GPR158: variants seen among roughly 807,000 people sequenced by gnomAD.
GPR158 encodes G protein-coupled receptor 158.
Under a neutral mutation model 78.2 loss-of-function variants are expected in GPR158, and 30 were observed. That is an observed-to-expected ratio of 0.38 (90% CI 0.29 to 0.52). The LOEUF is 0.52. Ranked by LOEUF, GPR158 falls within the 20% of genes least tolerant of loss-of-function variation. The pLI, the probability that GPR158 is intolerant of heterozygous loss-of-function variation, is 0.83. For missense variants in GPR158, 1,463 were observed against 1,523.5 expected (o/e 0.96, Z 0.66); for synonymous variants, 581 against 591.1 (o/e 0.98, Z 0.25).
At chr10:25,558,549 C>T (rs7903336) in intron 6 of GPR158, among the ~76,000 whole-genome samples, 82,448 of 151,966 alleles carry the variant, frequency 0.54, 24,280 homozygotes, top group African/African-American at 0.77. Context: ...CCTGCTGTCG[C>T]CTGGGCCCAG....
chr10:25,456,661 G>A (rs1835295529), intron 4 of GPR158, among the ~76,000 whole-genome samples: 1 of 152,142 alleles, frequency 6.6e-6, no homozygotes, highest in South Asian at 2.1e-4. Context: ...AGGTTCAAAT[G>A]TTAAAGAAAA....
At chr10:25,222,800 A>G (rs1853318295) in intron 2 of GPR158, among the ~76,000 whole-genome samples, 1 of 152,136 alleles carries the variant, frequency 6.6e-6, no homozygotes, top group Non-Finnish European at 1.5e-5. Context: ...GTTCATTTCT[A>G]TATAGCCTTG....
chr10:25,278,059 G>A (rs1483682731), intron 2 of GPR158, among the ~76,000 whole-genome samples: 1 of 152,158 alleles, frequency 6.6e-6, no homozygotes, highest in African/African-American at 2.4e-5. Context: ...TAGGGACTGA[G>A]TTTAGCCAAA....
intron 2 of GPR158, among the ~76,000 whole-genome samples, chr10:25,253,739 TAATGATGTATAA>T (rs1340998758): frequency 1.3e-5 from 2 of 152,160 alleles, no homozygotes; most frequent in African/African-American, 4.8e-5. Context: ...GTGTTGCAAT[TAATGATGTATAA>T]AATGGTTCAT....
intron 5 of GPR158, among the ~76,000 whole-genome samples, chr10:25,528,352 T>G (rs1836378437): frequency 6.6e-6 from 1 of 151,844 alleles, no homozygotes; most frequent in Non-Finnish European, 1.5e-5. Flanking sequence ...TAGAGAGAGA[T>G]CCAAGCATTA....
intron 4 of GPR158, among the ~76,000 whole-genome samples, chr10:25,448,153 A>T (rs530303025): frequency 7.0e-6 from 1 of 141,922 alleles, no homozygotes; most frequent in Non-Finnish European, 1.5e-5. Context: ...GGTGTGATCT[A>T]GGCTCACTGC....
chr10:25,552,181 C>T (rs1007223031), intron 6 of GPR158, among the ~76,000 whole-genome samples: 24 of 152,078 alleles, frequency 1.6e-4, no homozygotes, highest in African/African-American at 5.8e-4. Flanking sequence ...ATTTAAATCC[C>T]AATTTAGCCT....
intron 4 of GPR158, among the ~76,000 whole-genome samples, chr10:25,425,838 G>A (rs1369103988): frequency 3.3e-5 from 5 of 152,062 alleles, no homozygotes; most frequent in Non-Finnish European, 1.5e-5. Context: ...TTTTTATTGT[G>A]TTATATTTGT....
At chr10:25,488,980 TG>T (rs1348680172) in intron 5 of GPR158, among the ~76,000 whole-genome samples, 1 of 152,152 alleles carries the variant, frequency 6.6e-6, no homozygotes, top group East Asian at 1.9e-4. Flanking sequence ...GCATTACCCT[TG>T]CCATGGGCTT....
intron 2 of GPR158, among the ~76,000 whole-genome samples, chr10:25,265,059 G>C (rs980125732): frequency 6.6e-6 from 1 of 152,132 alleles, no homozygotes; most frequent in Admixed American, 6.5e-5. Context: ...TTTGTGGACA[G>C]AATTTTTTTA....
chr10:25,300,573 A>G (rs937596834), intron 2 of GPR158, among the ~76,000 whole-genome samples: 1 of 42,924 alleles, frequency 2.3e-5, no homozygotes, highest in Non-Finnish European at 5.2e-5. Flanking sequence ...TGCCTACCAC[A>G]TATTCTTAAG....
chr10:25,291,368 G>C, intron 2 of GPR158, among the ~76,000 whole-genome samples: 1 of 151,952 alleles, frequency 6.6e-6, no homozygotes, highest in East Asian at 1.9e-4. Context: ...ATCGTGTCTA[G>C]TAGATTAAAA....
At chr10:25,408,559 C>A (rs1193512222) in intron 3 of GPR158, among the ~76,000 whole-genome samples, 2 of 152,172 alleles carry the variant, frequency 1.3e-5, no homozygotes, top group African/African-American at 4.8e-5. Context: ...ATCCTCAGAC[C>A]TTCTGAATCC....
intron 2 of GPR158, among the ~76,000 whole-genome samples, chr10:25,349,809 G>T (rs1855432177): frequency 7.6e-6 from 1 of 131,066 alleles, no homozygotes; most frequent in Admixed American, 7.2e-5. Flanking sequence ...GGGTTAGGAT[G>T]CAGATGTCTT....
In GPR158 at chr10:25,333,606, T is replaced by A. The variant is rs137991540; in HGVS notation, c.1009-62305T>A. 2.6e-5 allele frequency among the ~76,000 whole-genome samples: 4 copies of A among 152,252 alleles called. No homozygotes were observed. In the East Asian group the frequency reaches 5.8e-4, roughly 22 times the overall value. ...AACTAAGTAGCTGGATATGTTACAA[T>A]GGAAAAGGGAGAATGAATGATTGAA... On this transcript the variant is annotated intron_variant, in intron 2 of 10. Coordinates refer to ENST00000376351, the MANE Select transcript of GPR158 (RefSeq NM_020752.3).
chr10:25,515,352 T>C (rs1360400222), intron 5 of GPR158, among the ~76,000 whole-genome samples: 1 of 152,112 alleles, frequency 6.6e-6, no homozygotes, highest in East Asian at 1.9e-4. Flanking sequence ...TGTGATTGTT[T>C]TTAATTTATG....
intron 1 of GPR158, among the ~76,000 whole-genome samples, chr10:25,210,460 C>T (rs1005002854): frequency 3.3e-5 from 5 of 152,152 alleles, no homozygotes; most frequent in Admixed American, 6.5e-5. Context: ...TTCTAGACAG[C>T]GTGCATCAGT....
At chr10:25,287,211 C>T (rs906615430) in intron 2 of GPR158, among the ~76,000 whole-genome samples, 2 of 151,718 alleles carry the variant, frequency 1.3e-5, no homozygotes, top group African/African-American at 2.4e-5. Context: ...TTTTCCACTG[C>T]TCTTCCCCGA....
chr10:25,469,839 C>T (rs867985587), intron 5 of GPR158, among the ~76,000 whole-genome samples: 1 of 150,734 alleles, frequency 6.6e-6, no homozygotes, highest in Non-Finnish European at 1.5e-5. Context: ...GAGCCCCCCC[C>T]AACATTCACT....
Sources: allele counts gnomAD v4.1 joint callset (sites outside exome capture counted in the v4.1 genomes callset), GRCh38; gene constraint gnomAD v4.1.1; transcripts MANE v1.5; gene names NCBI Gene and HGNC (gene_info 2026-07-23, HGNC 2026-07-21).